The following SYT17 variants were observed in gnomAD, a reference collection of about 807,000 sequenced individuals.
SYT17 encodes synaptotagmin 17, also known as synaptotagmin-17.
In SYT17, 22 loss-of-function variants were observed where a neutral mutation model predicts 46.7. The observed-to-expected ratio is 0.47, with a 90% CI of 0.34 to 0.67. SYT17 has a LOEUF of 0.67. Among genes scored for constraint, SYT17 ranks in the 30% least tolerant of loss-of-function variants. The pLI is 0.01. For synonymous variants in SYT17, 251 were observed against 248.4 expected (o/e 1.01, Z -0.10); for missense variants, 519 against 612.8 (o/e 0.85, Z 1.62).
intron 7 of SYT17, 132 bp downstream of exon 7, chr16:19,224,970 C>A: frequency 1.0e-6 from 1 of 1,002,692 alleles, no homozygotes; most frequent in Non-Finnish European, 1.5e-6. Flanking sequence ...TGGGTTTGAA[C>A]CCACTTAACA....
At chr16:19,187,888 G>C (rs905958857) in intron 5 of SYT17, among the ~76,000 whole-genome samples, 3 of 152,224 alleles carry the variant, frequency 2.0e-5, no homozygotes, top group Admixed American at 6.5e-5. Context: ...GTTGGTGGGA[G>C]TGTAAATTAG....
At chr16:19,200,909 T>C (rs1380279045) in intron 5 of SYT17, among the ~76,000 whole-genome samples, 3 of 152,018 alleles carry the variant, frequency 2.0e-5, no homozygotes, top group Non-Finnish European at 4.4e-5. Flanking sequence ...CGAGAGGTGA[T>C]GTGTGGAGGC....
intron 5 of SYT17, among the ~76,000 whole-genome samples, chr16:19,197,558 C>T (rs1965302088): frequency 6.6e-6 from 1 of 152,072 alleles, no homozygotes; most frequent in Admixed American, 6.6e-5. Flanking sequence ...AAGCAATCCT[C>T]CTGCCTCAGC....
chr16:19,185,768 C>T lies in SYT17; in HGVS notation c.951+1621C>T, dbSNP rs540577919. On this transcript the variant is annotated intron_variant, in intron 5 of 7. Transcript: ENST00000355377. ...TGAAGTGGAGGTAGTAACACCACCT[C>T]GCAGCGAGGGCCTGGCGGGTGGCGA... 4.6e-5 allele frequency among the ~76,000 whole-genome samples: 7 copies of T among 152,298 alleles called. No homozygotes were observed. In the South Asian group the frequency reaches 6.2e-4, roughly 14 times the overall value.
At chr16:19,213,038 G>A (rs1198569849) in intron 5 of SYT17, among the ~76,000 whole-genome samples, 2 of 152,192 alleles carry the variant, frequency 1.3e-5, no homozygotes, top group Non-Finnish European at 2.9e-5. Flanking sequence ...AAGAGACAGG[G>A]TCTTGCTGTG....
chr16:19,217,724 G>T (rs1596968649), intron 5 of SYT17, among the ~76,000 whole-genome samples: 1 of 152,302 alleles, frequency 6.6e-6, no homozygotes, highest in East Asian at 1.9e-4. Flanking sequence ...GAATGGAACT[G>T]CTGGGTCATA....
chr16:19,193,591 A>G (rs1215567197), intron 5 of SYT17, among the ~76,000 whole-genome samples: 2 of 152,184 alleles, frequency 1.3e-5, no homozygotes, highest in East Asian at 3.9e-4. Flanking sequence ...ACACCTGGGA[A>G]AGTCATCTGT....
chr16:19,168,275 C>T lies in SYT17; in HGVS notation c.-372C>T. 4.2e-6 allele frequency: 1 copy of T among 240,834 alleles called. No homozygotes were observed. Among genetic ancestry groups the T allele is most frequent in the Non-Finnish European group, 8.0e-6 (1 of 125,296 alleles). The allele number at this position is 240,834 out of a possible 1,614,324, so 14.9% of individuals were successfully genotyped here. On this transcript the variant is annotated 5_prime_UTR_variant, in exon 1 of 8. Coordinates refer to ENST00000355377, the MANE Select transcript of SYT17 (RefSeq NM_016524.4). This position sits in a 1 kb window ranked among gnomAD's most constrained non-coding sequence, Gnocchi z 6.9. ...CCCGGCGTCTCCGGCCCCGCCTGCG[C>T]TGGGGTCGCTGCAGTCCCCGCAGCT... is the stretch of plus-strand genomic sequence containing the variant.
At position 19,268,135 on chromosome 16, in the gene SYT17, T is replaced by C; in HGVS notation, c.*1059T>C. 1 of 152,184 alleles carries C rather than the reference T, an allele frequency of 6.6e-6. No homozygotes were observed. Among genetic ancestry groups the C allele is most frequent in the Non-Finnish European group, 1.5e-5 (1 of 68,044 alleles). The allele number at this position is 152,184 out of a possible 1,614,324, so 9.4% of individuals were successfully genotyped here. On this transcript the variant is annotated 3_prime_UTR_variant, in exon 8 of 8. Coordinates refer to ENST00000355377, the MANE Select transcript of SYT17 (RefSeq NM_016524.4). ...CTTAATCATACTCTGAGGATCTTTC[T>C]GTGTTTTTCTGTGAACGAATGTCAC...
chr16:19,256,437 A>AACACACACACACACAC lies in SYT17; in HGVS notation c.1229-10414_1229-10399dup, dbSNP rs57120408. 1.3e-3 allele frequency among the ~76,000 whole-genome samples: 162 copies of AACACACACACACACAC among 129,024 alleles called. 5 individuals carry two copies. Among genetic ancestry groups the AACACACACACACACAC allele is most frequent in the East Asian group, 9.4e-3 (41 of 4,384 alleles). 84.6% of individuals were successfully genotyped at this position (129,024 alleles called of 152,430 possible). On this transcript the variant is annotated intron_variant, in intron 7 of 7. Coordinates refer to ENST00000355377, the MANE Select transcript of SYT17 (RefSeq NM_016524.4). The stretch of plus-strand genomic sequence containing the variant: ...TGGTTGAGGTTTTAACCCCTCTTCA[A>AACACACACACACACAC]ACACACACACACACACACACACACA...
chr16:19,172,893 T>G, intron 2 of SYT17, 116 bp downstream of exon 2: 1 of 1,278,920 alleles, frequency 7.8e-7, no homozygotes, highest in Non-Finnish European at 1.1e-6. Flanking sequence ...TAACCTGGTG[T>G]TAATAACGGC....
At chr16:19,201,216 G>A (rs1245633579) in intron 5 of SYT17, among the ~76,000 whole-genome samples, 1 of 152,164 alleles carries the variant, frequency 6.6e-6, no homozygotes, top group African/African-American at 2.4e-5. Flanking sequence ...CGGCATGGAA[G>A]GACTTGCCTC....
rs1477637933 is a variant in SYT17 at position 19,266,885 on chromosome 16, G to A, written c.1234G>A (p.Gly412Ser). The A allele has an allele frequency of 6.2e-6, 10 of 1,611,678 alleles. No individual in the cohort carries two copies. The highest frequency in any genetic ancestry group is 2.2e-5 in the East Asian group (1 of 44,800). ...TCAACCCTCTGGCTCCCTAGTTTTC[G>A]GCCACAACATGAAGAGCAGCAATGA... The part of the protein sequence containing the change: ...ENASLVFTVF[G>S]HNMKSSNDFI... Residue 412 changes from glycine to serine, a missense_variant, in exon 8 of 8, where the codon GGC becomes AGC. Coordinates refer to ENST00000355377, the MANE Select transcript of SYT17 (RefSeq NM_016524.4).
chr16:19,207,656 C>T (rs991614897), intron 5 of SYT17, among the ~76,000 whole-genome samples: 7 of 152,156 alleles, frequency 4.6e-5, no homozygotes, highest in African/African-American at 1.7e-4. Context: ...TCACCTCCAA[C>T]ATTGGGGGAA....
At chr16:19,265,841 A>C (rs971137075) in intron 7 of SYT17, among the ~76,000 whole-genome samples, 41 of 152,352 alleles carry the variant, frequency 2.7e-4, no homozygotes, top group African/African-American at 9.1e-4. Flanking sequence ...AGTTGGGATT[A>C]ACAGAGAAGC....
At chr16:19,237,210 C>T (rs1966861278) in intron 7 of SYT17, among the ~76,000 whole-genome samples, 2 of 152,214 alleles carry the variant, frequency 1.3e-5, no homozygotes, top group Admixed American at 6.5e-5. Context: ...CCTTTTCACT[C>T]ACTCTTAACC....
chr16:19,179,393 G>C (rs1964455484), intron 3 of SYT17, among the ~76,000 whole-genome samples: 1 of 151,814 alleles, frequency 6.6e-6, no homozygotes, highest in South Asian at 2.1e-4. Flanking sequence ...GCTTCCCAAA[G>C]TTTACATTCT....
chr16:19,197,024 G>A (rs550349079), intron 5 of SYT17, among the ~76,000 whole-genome samples: 52 of 152,314 alleles, frequency 3.4e-4, no homozygotes, highest in African/African-American at 1.2e-3. Context: ...TGTATTTTGA[G>A]ATCACTCACC....
Position 19,223,136 on chromosome 16 carries a change from T to G in SYT17, c.1043T>G (p.Leu348Arg), listed in dbSNP as rs1173255524. ...GTTGATGTCATTCGAGCCAAGCAAC[T>G]TCTTCAGACAGATGTGAGCCAAGGT... ...LNVDVIRAKQ[L>R]LQTDVSQGSD... Residue 348 changes from leucine to arginine, a missense_variant, in exon 6 of 8, where the codon CTT becomes CGT. Coordinates refer to ENST00000355377, the MANE Select transcript of SYT17 (RefSeq NM_016524.4). The G allele has an allele frequency of 5.0e-6, 8 of 1,613,982 alleles. No individual in the cohort carries two copies. Among genetic ancestry groups the G allele is most frequent in the Non-Finnish European group, 6.8e-6 (8 of 1,179,872 alleles).
Sources: gnomAD v4.1 joint callset for allele counts (sites outside exome capture counted in the v4.1 genomes callset) on GRCh38, gnomAD v4.1.1 for gene constraint, Gnocchi (gnomAD v3.1) non-coding constraint, MANE v1.5 for transcripts, NCBI Gene and HGNC (gene_info 2026-07-23, HGNC 2026-07-21) for gene names.